The following CPS1 variants were observed in gnomAD, a reference collection of about 807,000 sequenced individuals.
CPS1 encodes the protein carbamoyl-phosphate synthase [ammonia], mitochondrial.
In CPS1, 109 loss-of-function variants were observed where a neutral mutation model predicts 174.6. The ratio of observed to expected loss-of-function variants is 0.62; its 90% CI spans 0.53 to 0.73. CPS1 has a LOEUF of 0.73. Among genes scored for constraint, CPS1 ranks in the 30% least tolerant of loss-of-function variants. CPS1 has a pLI of 0.00. For missense variants in CPS1, 1,689 were observed against 1,821.9 expected (o/e 0.93, Z 1.33); for synonymous variants, 637 against 632.0 (o/e 1.01, Z -0.12).
intron 29 of CPS1, 131 bp from the exon 30 acceptor site, chr2:210,656,393 AG>A: frequency 1.4e-6 from 1 of 711,872 alleles, no homozygotes; most frequent in Non-Finnish European, 2.6e-6. Context: ...TGCTCTCATC[AG>A]GAATGTAGCA....
chr2:210,580,509 A>C (rs544817815), intron 5 of CPS1, among the ~76,000 whole-genome samples: 6 of 152,084 alleles, frequency 3.9e-5, no homozygotes, highest in African/African-American at 1.4e-4. Context: ...AAATGCAACT[A>C]AAGTTTTCTT....
At chr2:210,478,935 T>A (rs1232813263) in intron 1 of CPS1, among the ~76,000 whole-genome samples, 1 of 14,706 alleles carries the variant, frequency 6.8e-5, no homozygotes, top group Non-Finnish European at 1.8e-4. Flanking sequence ...CCTTCCCCCC[T>A]CCCTTCCCTC....
At chr2:210,579,967 A>G (rs1310992444) in intron 5 of CPS1, among the ~76,000 whole-genome samples, 197 bp downstream of exon 5, 2 of 152,136 alleles carry the variant, frequency 1.3e-5, no homozygotes, top group Non-Finnish European at 2.9e-5. Flanking sequence ...CTTGATTGGT[A>G]TGTTTTTAAC....
At chr2:210,537,403 T>A (rs1395733438) in intron 1 of CPS1, among the ~76,000 whole-genome samples, 1 of 152,212 alleles carries the variant, frequency 6.6e-6, no homozygotes, top group East Asian at 1.9e-4. Context: ...AAAGGATTTG[T>A]GTATGGGATG....
At chr2:210,649,839 G>A (rs79992801) in intron 27 of CPS1, among the ~76,000 whole-genome samples, 14,484 of 152,102 alleles carry the variant, frequency 0.095, 833 homozygotes, top group East Asian at 0.27. Context: ...AGTTGAAAAG[G>A]TTTTATTCAC....
chr2:210,648,242 A>G (rs1700443059), intron 26 of CPS1, among the ~76,000 whole-genome samples, 185 bp downstream of exon 26: 1 of 152,240 alleles, frequency 6.6e-6, no homozygotes, highest in African/African-American at 2.4e-5. Flanking sequence ...TGATAGCAGT[A>G]TTCTCATTAA....
rs71043996 is a variant in CPS1 at position 210,512,736 on chromosome 2, TTATATATATA to T, written c.3+35010_3+35019del. ...GATACATACATATCCTCCAGTAGTT[TTATATATATA>T]TATATATATATATATATATATATAT... On this transcript the variant is annotated intron_variant, in intron 1 of 38. Transcript: ENST00000430249. 8.1e-3 allele frequency among the ~76,000 whole-genome samples: 379 copies of T among 46,712 alleles called. 6 individuals carry two copies. The highest frequency in any genetic ancestry group is 9.6e-3 in the Non-Finnish European group (272 of 28,374). The allele number at this position is 46,712 out of a possible 152,430, so 30.6% of individuals were successfully genotyped here. A position where few individuals can be genotyped will look rare whatever the true frequency, so the allele number is the denominator to read the frequency against.
At chr2:210,482,150 T>C (rs1694586132) in intron 1 of CPS1, among the ~76,000 whole-genome samples, 1 of 152,156 alleles carries the variant, frequency 6.6e-6, no homozygotes. Flanking sequence ...TATATAAAAC[T>C]TTTTTCCCTG....
rs2105907846 is a variant in CPS1, at chr2:210,647,874, C to T, written c.3153C>T (p.Gly1051=). 6.2e-7 allele frequency: 1 copy of T among 1,613,954 alleles called. No homozygotes were observed. The highest frequency in any genetic ancestry group is 1.1e-5 in the South Asian group (1 of 91,084). The part of the protein sequence containing the change: ...LDIYHQEACG[G]CIISVGGQIP... ...AGTGTATTTTCCAGGCATGTGGTGG[C>T]TGCATCATATCAGTTGGAGGCCAGA... Residue 1051 remains glycine (G), a synonymous_variant, in exon 26 of 38, where the codon GGC becomes GGT. Transcript: ENST00000233072.
chr2:210,650,384 A>G lies in CPS1; in HGVS notation c.3426A>G (p.Val1142=), dbSNP rs1700522774. ...YVLSGSAMNV[V]FSEDEMKKFL... ...CCAGTGGGTCTGCTATGAATGTGGT[A>G]TTCTCTGAGGATGAGATGAAAAAAT... The change falls in exon 28 of 38, where the codon GTA becomes GTG. Residue 1142 remains valine (V), a synonymous_variant. Transcript: ENST00000233072. 6.2e-7 allele frequency: 1 copy of G among 1,613,678 alleles called. No individual in the cohort carries two copies. Among genetic ancestry groups the G allele is most frequent in the Non-Finnish European group, 8.5e-7 (1 of 1,179,672 alleles).
At position 210,648,548 on chromosome 2, in the gene CPS1, T is replaced by A. The variant is rs767159571; in HGVS notation, c.3404+8T>A. The A allele has an allele frequency of 2.5e-6, 4 of 1,609,992 alleles. No individual in the cohort carries two copies. The East Asian group carries it at 6.7e-5, about 27-fold the overall frequency. On this transcript the variant is annotated splice_region_variant and intron_variant, in intron 27 of 37. Transcript: ENST00000233072. Reference sequence around the variant, plus strand: ...GCCTTCCTATGTTTTGAGGTAACACTGTATATTGTTTTCCAAAACAATGAT... The same window carrying A: ...GCCTTCCTATGTTTTGAGGTAACACAGTATATTGTTTTCCAAAACAATGAT...
rs535278768 is a variant in CPS1 at position 210,656,854 on chromosome 2, G to T, written c.3666+222G>T. ...CCCTTTGGTTGTATGCGAGTACAGGGGTTCTCAAACTTGAATGTGCATCAC... is the reference window on the plus strand; with the variant it reads ...CCCTTTGGTTGTATGCGAGTACAGGTGTTCTCAAACTTGAATGTGCATCAC... On this transcript the variant is annotated intron_variant, in intron 30 of 37. Coordinates refer to ENST00000233072, the MANE Select transcript of CPS1 (RefSeq NM_001875.5). Among the ~76,000 whole-genome samples the T allele has an allele frequency of 9.2e-5, 14 of 151,986 alleles. No homozygotes were observed. In the South Asian group the frequency reaches 2.7e-3, roughly 29 times the overall value.
intron 29 of CPS1, among the ~76,000 whole-genome samples, chr2:210,655,778 T>A (rs1262114799): frequency 6.6e-6 from 1 of 152,206 alleles, no homozygotes; most frequent in African/African-American, 2.4e-5. Flanking sequence ...TTGCTAAATC[T>A]GATAAGCAAA....
intron 1 of CPS1, among the ~76,000 whole-genome samples, chr2:210,490,115 A>G (rs974190162): frequency 4.6e-5 from 7 of 152,176 alleles, no homozygotes; most frequent in Non-Finnish European, 8.8e-5. Flanking sequence ...CACTTTATAC[A>G]CAGCCTTGCT....
chr2:210,661,373 G>T (rs914314882), intron 32 of CPS1, among the ~76,000 whole-genome samples: 76 of 152,128 alleles, frequency 5.0e-4, no homozygotes, highest in Non-Finnish European at 2.9e-5. Flanking sequence ...TTTGAATTAC[G>T]TAGATGAAGA....
intron 29 of CPS1, among the ~76,000 whole-genome samples, chr2:210,655,472 G>A (rs998596624): frequency 6.6e-6 from 1 of 152,110 alleles, no homozygotes; most frequent in African/African-American, 2.4e-5. Context: ...TTAAGAAATG[G>A]ACATAGAACT....
At chr2:210,499,967 A>G (rs1046679881) in intron 1 of CPS1, among the ~76,000 whole-genome samples, 12 of 152,142 alleles carry the variant, frequency 7.9e-5, no homozygotes, top group African/African-American at 2.9e-4. Flanking sequence ...AAAAGGTTTA[A>G]TTGACTCACA....
chr2:210,658,247 A>G (rs991001440), intron 30 of CPS1: 24 of 328,552 alleles, frequency 7.3e-5, no homozygotes, highest in South Asian at 5.8e-4. Context: ...TTACATTGAT[A>G]TAGAGGTTGG....
At chr2:210,508,449 T>C (rs565363396) in intron 1 of CPS1, among the ~76,000 whole-genome samples, 32 of 151,958 alleles carry the variant, frequency 2.1e-4, no homozygotes, top group African/African-American at 7.5e-4. Context: ...ATTGACACCC[T>C]AACATCACAA....
Sources: allele counts gnomAD v4.1 joint callset (sites outside exome capture counted in the v4.1 genomes callset), GRCh38; gene constraint gnomAD v4.1.1; transcripts MANE v1.5; gene names NCBI Gene and HGNC (gene_info 2026-07-23, HGNC 2026-07-21).